RERE: variants seen among roughly 807,000 people sequenced by gnomAD.
RERE encodes the protein arginine-glutamic acid dipeptide repeats protein.
Under a neutral mutation model 146.1 loss-of-function variants are expected in RERE, and 40 were observed. The ratio of observed to expected loss-of-function variants is 0.27; its 90% confidence interval spans 0.21 to 0.36. RERE has a LOEUF of 0.36. Among genes scored for constraint, RERE ranks in the 10% least tolerant of loss-of-function variants. RERE has a pLI of 1.00. For synonymous variants in RERE, 1,003 were observed against 866.0 expected, an observed-to-expected ratio of 1.16 and a Z score of -2.78; for missense variants, 1,933 against 2,138.7, an observed-to-expected ratio of 0.90 and a Z score of 1.90.
At chr1:8,702,774 C>A (rs1171438273) in intron 1 of RERE, among the ~76,000 whole-genome samples, 1 of 152,046 alleles carries the variant, frequency 6.6e-6, no homozygotes, top group Non-Finnish European at 1.5e-5. Context: ...TTCTCTCCCC[C>A]CTCAAAAAAA....
intron 10 of RERE, among the ~76,000 whole-genome samples, chr1:8,476,496 C>T (rs1488649455): frequency 6.6e-6 from 1 of 152,120 alleles, no homozygotes; most frequent in Non-Finnish European, 1.5e-5. Context: ...GCCAGCAGCT[C>T]AGAAAAGAGG....
chr1:8,364,738 C>A lies in RERE; in HGVS notation c.1540+8G>T. On this transcript the variant is annotated splice_region_variant and intron_variant, in intron 14 of 22. Transcript: ENST00000400908. This position sits in a 1 kb window ranked among gnomAD's most constrained non-coding sequence, Gnocchi z 5.1. The stretch of plus-strand genomic sequence containing the variant: ...GCCCCGCCCCAGGAGCGTGACGAGG[C>A]CACTTACTGGTGGTGAAGCAGTGGC... 1.2e-6 allele frequency: 2 copies of A among 1,610,048 alleles called. No homozygotes were observed. The highest frequency in any genetic ancestry group is 2.2e-5 in the South Asian group (2 of 91,002).
chr1:8,427,585 A>G (rs1316833595), intron 11 of RERE, among the ~76,000 whole-genome samples: 2 of 150,710 alleles, frequency 1.3e-5, no homozygotes, highest in Non-Finnish European at 1.5e-5. Context: ...CACAGCTGTC[A>G]ATGTATGTCA....
chr1:8,721,466 C>A (rs554758218), intron 1 of RERE, among the ~76,000 whole-genome samples: 1 of 152,222 alleles, frequency 6.6e-6, no homozygotes, highest in African/African-American at 2.4e-5. Context: ...TGCCCACTAC[C>A]ACACCCAGCT....
chr1:8,642,852 C>T (rs2124288849), intron 2 of RERE, among the ~76,000 whole-genome samples: 1 of 152,290 alleles, frequency 6.6e-6, no homozygotes. Context: ...ATGTCTCCTA[C>T]TCAACTGCTA....
At chr1:8,720,698 A>G (rs1361909073) in intron 1 of RERE, among the ~76,000 whole-genome samples, 10 of 152,208 alleles carry the variant, frequency 6.6e-5, no homozygotes, top group Non-Finnish European at 1.5e-5. Flanking sequence ...TAACCCCAAG[A>G]GTAGACAAGA....
At chr1:8,529,107 A>C (rs1645605908) in intron 7 of RERE, among the ~76,000 whole-genome samples, 1 of 152,186 alleles carries the variant, frequency 6.6e-6, no homozygotes, top group Non-Finnish European at 1.5e-5. Flanking sequence ...ATATAAAGCA[A>C]ATATGGCAAA....
intron 1 of RERE, among the ~76,000 whole-genome samples, chr1:8,718,325 C>G (rs1031949006): frequency 6.6e-6 from 1 of 152,164 alleles, no homozygotes; most frequent in Admixed American, 6.5e-5. Flanking sequence ...AGAATTTTGC[C>G]TTTCCTCCTA....
chr1:8,774,764 TA>T (rs1479343147), intron 1 of RERE, among the ~76,000 whole-genome samples: 1 of 152,078 alleles, frequency 6.6e-6, no homozygotes, highest in Non-Finnish European at 1.5e-5. Flanking sequence ...CATGTTTATC[TA>T]ATCTTCTCAA....
intron 1 of RERE, among the ~76,000 whole-genome samples, chr1:8,758,587 A>C (rs981395702): frequency 6.6e-6 from 1 of 151,684 alleles, no homozygotes; most frequent in African/African-American, 2.4e-5. Context: ...TGTAGTGACG[A>C]GGTCTCGCCA....
chr1:8,691,965 C>T (rs1639216542), intron 1 of RERE, among the ~76,000 whole-genome samples: 2 of 152,094 alleles, frequency 1.3e-5, no homozygotes. Context: ...ATTACAAGCT[C>T]CAAGGACAGG....
rs954260914 is a variant in RERE, at chr1:8,692,961, G to A, written c.-144-36520C>T. On this transcript the variant is annotated intron_variant, in intron 1 of 22. Coordinates refer to ENST00000400908, the MANE Select transcript of RERE (RefSeq NM_001042681.2). ...GTAATGCATAAGATTTATGGTCCTC[G>A]TTTCTCCTGCTCCATGACAAATAGT... 2.7e-4 allele frequency among the ~76,000 whole-genome samples: 41 copies of A among 151,994 alleles called. 1 individual carries two copies. The highest frequency in any genetic ancestry group is 9.4e-4 in the African/African-American group (39 of 41,376).
intron 11 of RERE, among the ~76,000 whole-genome samples, chr1:8,463,512 TCAA>T (rs1181754196): frequency 6.6e-6 from 1 of 152,030 alleles, no homozygotes; most frequent in Non-Finnish European, 1.5e-5. Context: ...GGGGAGACAA[TCAA>T]CAGCTGCCTG....
intron 1 of RERE, among the ~76,000 whole-genome samples, chr1:8,763,796 G>A (rs71641061): frequency 2.6e-5 from 4 of 151,884 alleles, no homozygotes; most frequent in Middle Eastern, 3.4e-3. Flanking sequence ...AAAATTAGCC[G>A]GGTGTGGTGG....
chr1:8,782,350 T>C (rs779762462), intron 1 of RERE, among the ~76,000 whole-genome samples: 1 of 152,156 alleles, frequency 6.6e-6, no homozygotes, highest in Non-Finnish European at 1.5e-5. Flanking sequence ...TGATCTCTTA[T>C]CAGCTTTTGT....
In RERE at chr1:8,513,484, G is replaced by A. The variant is rs200621422; in HGVS notation, c.831-4809C>T. ...ACAGTGATGTAACTAGAAAAGGGAA[G>A]AATATAGCCTTTTTGATACTACACC... is the stretch of plus-strand genomic sequence containing the variant. On this transcript the variant is annotated intron_variant, in intron 7 of 22. Coordinates refer to ENST00000400908, the MANE Select transcript of RERE (RefSeq NM_001042681.2). 1.5e-4 allele frequency among the ~76,000 whole-genome samples: 23 copies of A among 152,316 alleles called. No individual in the cohort carries two copies. The East Asian group carries it at 3.8e-3, about 25-fold the overall frequency.
chr1:8,720,695 AAG>A (rs1639847865), intron 1 of RERE, among the ~76,000 whole-genome samples: 1 of 152,186 alleles, frequency 6.6e-6, no homozygotes, highest in East Asian at 1.9e-4. Flanking sequence ...GTATAACCCC[AAG>A]AGTAGACAAG....
At chr1:8,441,447 T>C (rs573014289) in intron 11 of RERE, among the ~76,000 whole-genome samples, 1 of 152,308 alleles carries the variant, frequency 6.6e-6, no homozygotes, top group South Asian at 2.1e-4. Context: ...CAGGCAGCAC[T>C]GCCCCAGGGG....
At chr1:8,761,595 T>C (rs993413819) in intron 1 of RERE, among the ~76,000 whole-genome samples, 5 of 152,188 alleles carry the variant, frequency 3.3e-5, no homozygotes, top group Non-Finnish European at 5.9e-5. Context: ...CCATCTGTCA[T>C]ACCTCTTCAT....
Sources: gnomAD v4.1 joint callset for allele counts (sites outside exome capture counted in the v4.1 genomes callset) on GRCh38, gnomAD v4.1.1 for gene constraint, Gnocchi (gnomAD v3.1) non-coding constraint, MANE v1.5 for transcripts, NCBI Gene and HGNC (gene_info 2026-07-23, HGNC 2026-07-21) for gene names.